Variants in PARD3B observed in about 807,000 individuals in gnomAD.
PARD3B encodes the protein par-3 family cell polarity regulator beta, also known as partitioning defective 3 homolog B.
In PARD3B, 103 loss-of-function variants were observed where a neutral mutation model predicts 130.2. The ratio of observed to expected loss-of-function variants is 0.79; its 90% CI spans 0.67 to 0.93. The LOEUF (loss-of-function observed/expected upper bound fraction) is 0.93, where lower values mean the gene tolerates loss of function less well. Ranked by LOEUF, PARD3B falls within the 40% of genes least tolerant of loss-of-function variation. PARD3B has a pLI of 0.00. For synonymous variants in PARD3B, 583 were observed against 553.2 expected (o/e 1.05, Z -0.76); for missense variants, 1,609 against 1,499.2 (o/e 1.07, Z -1.21).
intron 2 of PARD3B, among the ~76,000 whole-genome samples, chr2:204,762,633 A>C (rs1342772088): frequency 1.3e-5 from 2 of 152,034 alleles, no homozygotes; most frequent in Admixed American, 1.3e-4. Flanking sequence ...TGTTTCTTTT[A>C]ATGTCTCAGG....
chr2:205,392,885 A>T (rs2045905552), intron 18 of PARD3B, among the ~76,000 whole-genome samples: 1 of 152,244 alleles, frequency 6.6e-6, no homozygotes, highest in Non-Finnish European at 1.5e-5. Context: ...ATTGATGTGC[A>T]ACAAACACAA....
At chr2:205,060,251 AT>A (rs891291918) in intron 4 of PARD3B, among the ~76,000 whole-genome samples, 13 of 151,876 alleles carry the variant, frequency 8.6e-5, no homozygotes, top group Non-Finnish European at 1.6e-4. Flanking sequence ...TATAGTCACT[AT>A]TTTTCCTTCA....
chr2:204,752,285 T>C (rs2040495212), intron 2 of PARD3B, among the ~76,000 whole-genome samples: 1 of 152,150 alleles, frequency 6.6e-6, no homozygotes, highest in South Asian at 2.1e-4. Flanking sequence ...TTCTCATTTA[T>C]AAATTGAGGT....
At chr2:205,256,391 TGG>T (rs1308604998) in intron 16 of PARD3B, among the ~76,000 whole-genome samples, 1 of 152,126 alleles carries the variant, frequency 6.6e-6, no homozygotes, top group African/African-American at 2.4e-5. Context: ...AAATACAAAG[TGG>T]TATAGAATAT....
rs117861483 is a variant in PARD3B at position 205,162,262 on chromosome 2, C to T, written c.1620+3355C>T. On this transcript the variant is annotated intron_variant, in intron 11 of 22. Coordinates refer to ENST00000406610, the MANE Select transcript of PARD3B (RefSeq NM_001302769.2). ...TTAATCTCAACTTGATATTTAACTT[C>T]AAGTCTGTACATTAAGAAATAAAGC... is the stretch of plus-strand genomic sequence containing the variant. Among the ~76,000 whole-genome samples, 34 of 152,322 alleles carry T rather than the reference C, an allele frequency of 2.2e-4. No individual in the cohort carries two copies. The East Asian group carries it at 6.2e-3, about 28-fold the overall frequency.
chr2:204,736,649 A>G (rs921974139), intron 2 of PARD3B, among the ~76,000 whole-genome samples: 1 of 152,200 alleles, frequency 6.6e-6, no homozygotes, highest in Non-Finnish European at 1.5e-5. Flanking sequence ...CATAGTGTAT[A>G]TGTACCACAT....
At chr2:204,757,542 G>C (rs2040731310) in intron 2 of PARD3B, among the ~76,000 whole-genome samples, 1 of 152,000 alleles carries the variant, frequency 6.6e-6, no homozygotes, top group Non-Finnish European at 1.5e-5. Flanking sequence ...TTTGTTGGCT[G>C]CTTGTAGGTC....
intron 2 of PARD3B, among the ~76,000 whole-genome samples, chr2:204,716,286 C>T (rs1035016210): frequency 6.6e-6 from 1 of 152,080 alleles, no homozygotes; most frequent in Non-Finnish European, 1.5e-5. Context: ...AGATCAGCAA[C>T]ATGAGCATCA....
At chr2:204,724,722 A>G (rs1374420110) in intron 2 of PARD3B, among the ~76,000 whole-genome samples, 1 of 152,070 alleles carries the variant, frequency 6.6e-6, no homozygotes, top group Non-Finnish European at 1.5e-5. Flanking sequence ...AATAGTAGAA[A>G]ATACTGTCCT....
intron 3 of PARD3B, among the ~76,000 whole-genome samples, chr2:205,032,449 G>A (rs1697493789): frequency 6.6e-6 from 1 of 152,228 alleles, no homozygotes; most frequent in South Asian, 2.1e-4. Context: ...TGAGGTTAAA[G>A]CTGATCCTTG....
At chr2:205,415,469 C>A (rs1282309856) in intron 19 of PARD3B, among the ~76,000 whole-genome samples, 1 of 152,082 alleles carries the variant, frequency 6.6e-6, no homozygotes, top group African/African-American at 2.4e-5. Context: ...AAACAAAAAT[C>A]CAATGCCAAG....
chr2:205,115,821 C>T (rs1056764200), intron 6 of PARD3B, among the ~76,000 whole-genome samples: 1 of 152,150 alleles, frequency 6.6e-6, no homozygotes, highest in Non-Finnish European at 1.5e-5. Flanking sequence ...TAGTGGTATA[C>T]TTTGCTCTTA....
intron 2 of PARD3B, among the ~76,000 whole-genome samples, chr2:204,947,365 T>G (rs74646114): frequency 0.25 from 37,347 of 151,906 alleles, 4,824 homozygotes; most frequent in African/African-American, 0.27. Flanking sequence ...TGAAAAGAAC[T>G]CTACATATTC....
intron 12 of PARD3B, among the ~76,000 whole-genome samples, chr2:205,172,889 TTTA>T (rs1352496942): frequency 6.6e-6 from 1 of 152,138 alleles, no homozygotes; most frequent in East Asian, 1.9e-4. Context: ...TTTGAAATCT[TTTA>T]TTATTTTTTA....
At chr2:204,648,966 TA>T (rs1320119299) in intron 1 of PARD3B, among the ~76,000 whole-genome samples, 2 of 32,328 alleles carry the variant, frequency 6.2e-5, no homozygotes, top group Non-Finnish European at 4.2e-5. Context: ...AAATAATATA[TA>T]TTTATAATAG....
intron 20 of PARD3B, among the ~76,000 whole-genome samples, chr2:205,466,717 T>G (rs1448219210): frequency 6.6e-6 from 1 of 152,262 alleles, no homozygotes; most frequent in African/African-American, 2.4e-5. Context: ...TGTTTTGTTT[T>G]GTTTTTGTTT....
intron 1 of PARD3B, among the ~76,000 whole-genome samples, chr2:204,595,458 A>T (rs2033247201): frequency 6.6e-6 from 1 of 152,190 alleles, no homozygotes. Context: ...CCTGTTTCTT[A>T]TTGCTGTTCC....
intron 18 of PARD3B, chr2:205,348,055 C>T (rs2043859009): frequency 6.6e-6 from 1 of 152,202 alleles, no homozygotes; most frequent in South Asian, 2.1e-4. Flanking sequence ...AGGAGCTCAA[C>T]ACTGGGCAGA....
chr2:205,224,940 CT>C (rs761890651), intron 15 of PARD3B, among the ~76,000 whole-genome samples: 1 of 152,008 alleles, frequency 6.6e-6, no homozygotes, highest in Non-Finnish European at 1.5e-5. Context: ...TTTTATTATA[CT>C]TTAAGTTCTA....
Sources: allele counts gnomAD v4.1 joint callset (sites outside exome capture counted in the v4.1 genomes callset), GRCh38; gene constraint gnomAD v4.1.1; transcripts MANE v1.5; gene names NCBI Gene and HGNC (gene_info 2026-07-23, HGNC 2026-07-21).